SIGLEC9: variants seen among roughly 807,000 people sequenced by gnomAD.
The protein encoded by SIGLEC9 is sialic acid binding Ig like lectin 9, also known as sialic acid-binding Ig-like lectin 9.
Under a neutral mutation model 38.3 loss-of-function variants are expected in SIGLEC9, and 26 were observed. The ratio of observed to expected loss-of-function variants is 0.68; its 90% CI spans 0.50 to 0.94. The LOEUF (loss-of-function observed/expected upper bound fraction) is 0.94. Among genes scored for constraint, SIGLEC9 ranks in the 40% least tolerant of loss-of-function variants. SIGLEC9 has a pLI of 0.00. For synonymous variants in SIGLEC9, 236 were observed against 248.0 expected, an observed-to-expected ratio of 0.95 and a Z score of 0.45; for missense variants, 556 against 585.7, an observed-to-expected ratio of 0.95 and a Z score of 0.52.
At position 51,127,124 on chromosome 19, in the gene SIGLEC9, C is replaced by G; in HGVS notation, c.843C>G (p.Pro281=). 1 of 1,614,052 alleles carries G rather than the reference C, an allele frequency of 6.2e-7. No homozygotes were observed. The highest frequency in any genetic ancestry group is 8.5e-7 in the Non-Finnish European group (1 of 1,179,858). The change falls in exon 4 of 7, where the codon CCC becomes CCG. Residue 281 remains proline, a synonymous_variant. Coordinates refer to ENST00000250360, the MANE Select transcript of SIGLEC9 (RefSeq NM_014441.3). ...CAGTTGATGCAGTTGACAGCAATCC[C>G]CCTGCCAGGCTGAGCCTGAGCTGGA... The part of the protein sequence containing the change: ...VCAVDAVDSN[P]PARLSLSWRG...
upstream of SIGLEC9, chr19:51,120,447 C>G (rs1438912202): frequency 1.3e-5 from 2 of 152,260 alleles, no homozygotes; most frequent in Admixed American, 6.5e-5. This position sits in a 1 kb window ranked among gnomAD's most constrained non-coding sequence, Gnocchi z 4.1. Context: ...CTCCCAGAAA[C>G]AGGAATCAGC....
intron 3 of SIGLEC9, 42 bp from the exon 4 acceptor site, chr19:51,126,988 A>C: frequency 6.3e-7 from 1 of 1,579,214 alleles, no homozygotes; most frequent in Non-Finnish European, 8.7e-7. Flanking sequence ...CTTTTTCTCC[A>C]GATCTATGTA....
At chr19:51,124,826 G>A (rs2091964915), upstream of SIGLEC9, 4 of 989,834 alleles carry the variant, frequency 4.0e-6, no homozygotes, top group South Asian at 3.4e-5. Context: ...GTGTCTGGGT[G>A]TAAAGTTCCT....
intron 6 of SIGLEC9, chr19:51,135,902 G>C: frequency 1.5e-6 from 1 of 672,302 alleles, no homozygotes; most frequent in Non-Finnish European, 2.7e-6. Context: ...AATTTTTGCA[G>C]TTTTTCAGCT....
chr19:51,124,358 T>C (rs945686128), upstream of SIGLEC9, among the ~76,000 whole-genome samples: 1 of 152,122 alleles, frequency 6.6e-6, no homozygotes, highest in Non-Finnish European at 1.5e-5. Flanking sequence ...CCATCCTGCC[T>C]GTGCCCCCCA....
At chr19:51,134,543 T>C (rs1461606259), downstream of SIGLEC9, among the ~76,000 whole-genome samples, 1 of 152,234 alleles carries the variant, frequency 6.6e-6, no homozygotes, top group Admixed American at 6.5e-5. Context: ...ATAAAATCTA[T>C]GTATTTTACT....
chr19:51,133,418 C>CA (rs57292401), downstream of SIGLEC9, among the ~76,000 whole-genome samples: 5,609 of 132,116 alleles, frequency 0.042, 166 homozygotes, highest in Middle Eastern at 0.068. Flanking sequence ...ACCAAAAATA[C>CA]AAAAAAAAAA....
upstream of SIGLEC9, chr19:51,120,288 A>G (rs1374332250): frequency 1.3e-5 from 2 of 152,246 alleles, no homozygotes; most frequent in African/African-American, 4.8e-5. This position sits in a 1 kb window ranked among gnomAD's most constrained non-coding sequence, Gnocchi z 4.1. Flanking sequence ...AGAGGTTATT[A>G]CATGAAATAC....
At chr19:51,125,479 A>G in intron 1 of SIGLEC9, 84 bp downstream of exon 1, 1 of 1,550,028 alleles carries the variant, frequency 6.5e-7, no homozygotes, top group South Asian at 1.2e-5. Context: ...CTGCCCCAGG[A>G]GAGGGCTTAG....
downstream of SIGLEC9, among the ~76,000 whole-genome samples, chr19:51,132,838 G>GCTT (rs2122860191): frequency 6.6e-6 from 1 of 152,208 alleles, no homozygotes; most frequent in East Asian, 1.9e-4. Context: ...GAGACTTAAG[G>GCTT]AAGGCCCAAA....
chr19:51,121,769 T>G (rs2091950731), upstream of SIGLEC9, among the ~76,000 whole-genome samples: 1 of 152,012 alleles, frequency 6.6e-6, no homozygotes, highest in Non-Finnish European at 1.5e-5. Flanking sequence ...GTACTTTTAG[T>G]AGAAACAACT....
At chr19:51,128,359 G>T (rs2091992293) in intron 5 of SIGLEC9, 55 bp from the exon 6 acceptor site, 1 of 1,581,194 alleles carries the variant, frequency 6.3e-7, no homozygotes, top group African/African-American at 1.4e-5. Context: ...TACCTGGTCT[G>T]CCCACCGCAC....
At chr19:51,135,406 G>T (rs528324916) in intron 6 of SIGLEC9, among the ~76,000 whole-genome samples, 1 of 152,150 alleles carries the variant, frequency 6.6e-6, no homozygotes, top group Non-Finnish European at 1.5e-5. Flanking sequence ...TATAGGCCCC[G>T]AATGTCTTTG....
At chr19:51,134,125 G>C (rs2092030589), downstream of SIGLEC9, among the ~76,000 whole-genome samples, 1 of 149,270 alleles carries the variant, frequency 6.7e-6, no homozygotes, top group African/African-American at 2.5e-5. Flanking sequence ...CTGGGGTCCT[G>C]GGAATTTTAT....
chr19:51,125,677 T>C lies in SIGLEC9; in HGVS notation c.502T>C (p.Trp168Arg). 1 of 1,613,916 alleles carries C rather than the reference T, an allele frequency of 6.2e-7. No individual in the cohort carries two copies. Reference protein sequence around the residue: ...CPQNLTCSVPWACEQGTPPMI... With the variant: ...CPQNLTCSVPRACEQGTPPMI... ...CCAGAATCTGACCTGCTCTGTGCCC[T>C]GGGCCTGTGAGCAGGGGACACCCCC... The change falls in exon 2 of 7, where the codon TGG (tryptophan) becomes CGG (arginine). Residue 168 changes from tryptophan to arginine, a missense_variant. Coordinates refer to ENST00000250360, the MANE Select transcript of SIGLEC9 (RefSeq NM_014441.3).
chr19:51,130,539 G>A (rs193080605), downstream of SIGLEC9, among the ~76,000 whole-genome samples: 20 of 152,276 alleles, frequency 1.3e-4, 1 homozygote, highest in Non-Finnish European at 1.8e-4. Context: ...GCAAAATAGC[G>A]ATTCTGCAAC....
downstream of SIGLEC9, among the ~76,000 whole-genome samples, chr19:51,131,438 T>C (rs1186853179): frequency 6.6e-6 from 1 of 151,722 alleles, no homozygotes; most frequent in Admixed American, 6.6e-5. Context: ...ATACAAAAAT[T>C]AGCCGGGCGT....
chr19:51,135,685 G>A (rs1410227874), intron 6 of SIGLEC9, among the ~76,000 whole-genome samples: 3 of 152,058 alleles, frequency 2.0e-5, no homozygotes, highest in Non-Finnish European at 2.9e-5. Flanking sequence ...AAGTTGCTGC[G>A]TCTCTCTTTT....
At position 51,125,498 on chromosome 19, in the gene SIGLEC9, G is replaced by A. The variant is rs1375337819; in HGVS notation, c.422-99G>A. 11 of 1,557,206 alleles carry A rather than the reference G, an allele frequency of 7.1e-6. No individual in the cohort carries two copies. In the African/African-American group the frequency reaches 9.6e-5, roughly 14 times the overall value. ...CCCAGGAGAGGGCTTAGGGTGAAGC[G>A]AGTTGGCTCAGGGCAGGAGCTGGAC... On this transcript the variant is annotated intron_variant, in intron 1 of 6. Transcript: ENST00000250360.
Sources: gnomAD v4.1 joint callset for allele counts (sites outside exome capture counted in the v4.1 genomes callset) on GRCh38, gnomAD v4.1.1 for gene constraint, Gnocchi (gnomAD v3.1) non-coding constraint, MANE v1.5 for transcripts, NCBI Gene and HGNC (gene_info 2026-07-23, HGNC 2026-07-21) for gene names.